Variants in RABL3 observed in about 807,000 individuals in gnomAD.
RABL3 encodes rab-like protein 3.
A neutral mutation model predicts 31.8 loss-of-function variants in RABL3; 31 were observed. The ratio of observed to expected loss-of-function variants is 0.97; its 90% CI spans 0.73 to 1.31. RABL3 has a LOEUF of 1.31. RABL3 is among the 40% of genes most tolerant of loss of function. The probability of loss-of-function intolerance (pLI) is 0.00; values close to 1 mark genes in which losing one functional copy is unlikely to be tolerated. For synonymous variants in RABL3, 97 were observed against 99.9 expected, an observed-to-expected ratio of 0.97 and a Z score of 0.18; for missense variants, 263 against 279.6, an observed-to-expected ratio of 0.94 and a Z score of 0.42.
At chr3:120,721,825 G>A (rs1361867387) in intron 2 of RABL3, among the ~76,000 whole-genome samples, 1 of 152,176 alleles carries the variant, frequency 6.6e-6, no homozygotes, top group African/African-American at 2.4e-5. Context: ...GCACCAAGCG[G>A]ACCTAATAGA....
intron 1 of RABL3, 56 bp downstream of exon 1, chr3:120,742,406 G>A (rs866119404): frequency 2.6e-6 from 4 of 1,535,324 alleles, no homozygotes; most frequent in Non-Finnish European, 3.6e-6. Context: ...CTAAGGGGAG[G>A]GTTACTGGGT....
rs1708312455 is a variant in RABL3, at chr3:120,686,749, CAAAAAAGAAATAGG to C, written c.*3060_*3073del. The C allele has an allele frequency of 6.6e-6, 1 of 151,846 alleles. No individual in the cohort carries two copies. Among genetic ancestry groups the C allele is most frequent in the Non-Finnish European group, 1.5e-5 (1 of 67,958 alleles). The allele number at this position is 151,846 out of a possible 1,614,324, so 9.4% of individuals were successfully genotyped here. The stretch of plus-strand genomic sequence containing the variant: ...TGACAGGAATCTTCAGAAATGAAGA[CAAAAAAGAAATAGG>C]AAAACTTGTGTATTTTTATGTACAG... On this transcript the variant is annotated 3_prime_UTR_variant, in exon 8 of 8. Transcript: ENST00000273375.
chr3:120,742,455 C>A lies in RABL3; in HGVS notation c.46+7G>T, dbSNP rs1270986564. ...CTGGAGCCCCAGAGGTAGGGTAAGC[C>A]GCTCACCTGAGTCTCCCAACACCAG... On this transcript the variant is annotated splice_region_variant and intron_variant, in intron 1 of 7. Transcript: ENST00000273375. 3 of 1,613,882 alleles carry A rather than the reference C, an allele frequency of 1.9e-6. No homozygotes were observed. The highest frequency in any genetic ancestry group is 1.1e-5 in the South Asian group (1 of 91,082).
At chr3:120,727,056 T>C (rs1708830319) in intron 2 of RABL3, among the ~76,000 whole-genome samples, 1 of 151,624 alleles carries the variant, frequency 6.6e-6, no homozygotes, top group Admixed American at 6.6e-5. Context: ...AATTTTAGAG[T>C]CTTAGAGCTC....
In RABL3 at chr3:120,688,450, TA is replaced by T. The variant is rs1187669427; in HGVS notation, c.*1372del. The T allele has an allele frequency of 1.3e-5, 2 of 152,482 alleles. No individual in the cohort carries two copies. The highest frequency in any genetic ancestry group is 4.8e-5 in the African/African-American group (2 of 41,458). The allele number at this position is 152,482 out of a possible 1,614,324, so 9.4% of individuals were successfully genotyped here. On this transcript the variant is annotated 3_prime_UTR_variant, in exon 8 of 8. Coordinates refer to ENST00000273375, the MANE Select transcript of RABL3 (RefSeq NM_173825.5). ...TTCCAAATTCCCAAGACTGCCTTTC[TA>T]AAAGGACTCTCTAACATTCTTATTT...
chr3:120,732,652 G>A (rs1482051856), intron 1 of RABL3, among the ~76,000 whole-genome samples: 2 of 152,020 alleles, frequency 1.3e-5, no homozygotes, highest in Non-Finnish European at 2.9e-5. Context: ...CCATGTTGGT[G>A]TGCTGCACCC....
At chr3:120,713,274 C>T (rs1269836903) in intron 2 of RABL3, among the ~76,000 whole-genome samples, 2 of 152,224 alleles carry the variant, frequency 1.3e-5, no homozygotes, top group African/African-American at 4.8e-5. Context: ...TTTCCTGTTT[C>T]CTTTTAAAAT....
rs749057823 is a variant in RABL3, at chr3:120,709,960, T to C, written c.139-51A>G. 3.7e-6 allele frequency: 5 copies of C among 1,341,798 alleles called. No individual in the cohort carries two copies. The African/African-American group carries it at 4.4e-5, about 12-fold the overall frequency. 83.1% of individuals were successfully genotyped at this position (1,341,798 alleles called of 1,614,324 possible). A position where few individuals can be genotyped will look rare whatever the true frequency, so the allele number is the denominator to read the frequency against. ...TTAATATAGCCACTAAACAAACTAG[T>C]AAGTACCCTTATTCCGGTTTAAAGC... On this transcript the variant is annotated intron_variant, in intron 2 of 7. Transcript: ENST00000273375.
Position 120,688,467 on chromosome 3 carries a change from ATTC to A in RABL3, c.*1353_*1355del, listed in dbSNP as rs774138897. ...TGCCTTTCTAAAAGGACTCTCTAAC[ATTC>A]TTATTTTAATATCCTCTTGCAGCAT... On this transcript the variant is annotated 3_prime_UTR_variant, in exon 8 of 8. Transcript: ENST00000273375. 6 of 152,372 alleles carry A rather than the reference ATTC, an allele frequency of 3.9e-5. No individual in the cohort carries two copies. The highest frequency in any genetic ancestry group is 1.3e-4 in the Admixed American group (2 of 15,270). The allele number at this position is 152,372 out of a possible 1,614,324, so 9.4% of individuals were successfully genotyped here.
chr3:120,720,977 A>G (rs1708733004), intron 2 of RABL3, among the ~76,000 whole-genome samples: 1 of 152,218 alleles, frequency 6.6e-6, no homozygotes, highest in Admixed American at 6.5e-5. Flanking sequence ...TCAGACTAAC[A>G]GCTGATCTCT....
intron 2 of RABL3, among the ~76,000 whole-genome samples, chr3:120,724,379 G>T (rs904250660): frequency 2.0e-5 from 3 of 152,102 alleles, no homozygotes; most frequent in Non-Finnish European, 4.4e-5. Flanking sequence ...ACTGCCCAAG[G>T]TAATTTATAG....
At chr3:120,726,612 G>T (rs1708824181) in intron 2 of RABL3, among the ~76,000 whole-genome samples, 1 of 152,044 alleles carries the variant, frequency 6.6e-6, no homozygotes, top group South Asian at 2.1e-4. Flanking sequence ...CCATGGTGGT[G>T]TTGTGCCTGT....
intron 2 of RABL3, among the ~76,000 whole-genome samples, chr3:120,721,871 A>G (rs558860513): frequency 6.6e-6 from 1 of 152,350 alleles, no homozygotes; most frequent in Admixed American, 6.5e-5. Flanking sequence ...TCAACAGAAT[A>G]TACATTCTTT....
At chr3:120,734,542 T>A (rs1708930721) in intron 1 of RABL3, among the ~76,000 whole-genome samples, 1 of 152,174 alleles carries the variant, frequency 6.6e-6, no homozygotes. Flanking sequence ...TATTTCCTTC[T>A]CCTGCCTGAT....
At chr3:120,722,317 A>T (rs1015652423) in intron 2 of RABL3, 2 of 152,154 alleles carry the variant, frequency 1.3e-5, no homozygotes, top group African/African-American at 4.8e-5. Context: ...TAAAACCTAG[A>T]CGAAAAAGGA....
At chr3:120,711,748 T>C (rs1559816354) in intron 2 of RABL3, among the ~76,000 whole-genome samples, 1 of 152,190 alleles carries the variant, frequency 6.6e-6, no homozygotes. Context: ...GAATTAATTT[T>C]TTTTAAGAAA....
At chr3:120,736,047 A>G (rs542278676) in intron 1 of RABL3, among the ~76,000 whole-genome samples, 31 of 152,310 alleles carry the variant, frequency 2.0e-4, no homozygotes, top group Middle Eastern at 3.4e-3. Context: ...AGTTCTGTAG[A>G]GGTCTATTAG....
intron 5 of RABL3, among the ~76,000 whole-genome samples, chr3:120,696,459 A>G (rs927076548): frequency 1.3e-5 from 2 of 152,038 alleles, no homozygotes; most frequent in African/African-American, 2.4e-5. Flanking sequence ...GAAGCTGTAC[A>G]CTGATAAAGG....
chr3:120,702,969 G>A (rs1306550614), intron 4 of RABL3, among the ~76,000 whole-genome samples: 5 of 152,178 alleles, frequency 3.3e-5, no homozygotes, highest in African/African-American at 9.7e-5. Context: ...AGGTGCAGTT[G>A]TGCAAGTGCA....
Sources: gnomAD v4.1 joint callset for allele counts (sites outside exome capture counted in the v4.1 genomes callset) on GRCh38, gnomAD v4.1.1 for gene constraint, MANE v1.5 for transcripts, NCBI Gene and HGNC (gene_info 2026-07-23, HGNC 2026-07-21) for gene names.